Variants in KANK1 observed in about 807,000 individuals in gnomAD.
The protein encoded by KANK1 is KN motif and ankyrin repeat domains 1, also known as KN motif and ankyrin repeat domain-containing protein 1.
In KANK1, 109 loss-of-function variants were observed where a neutral mutation model predicts 106.2. The observed-to-expected ratio is 1.03, with a 90% CI of 0.88 to 1.20. The LOEUF is 1.20. KANK1 is among the 50% of genes most tolerant of loss of function. The pLI is 0.00. For missense variants in KANK1, 2,399 were observed against 1,710.7 expected, an observed-to-expected ratio of 1.40 and a Z score of -7.10; for synonymous variants, 873 against 652.2, an observed-to-expected ratio of 1.34 and a Z score of -5.16.
rs550471423 is a variant in KANK1 at position 712,807 on chromosome 9, C to T, written c.2041C>T (p.His681Tyr). The part of the protein sequence containing the change: ...QDTSTDLEQV[H>Y]QFTNTETATL... Reference sequence around the variant, plus strand: ...CACTAGCACAGATTTGGAACAGGTGCACCAGTTCACCAACACCGAGACGGC... The same window carrying T: ...CACTAGCACAGATTTGGAACAGGTGTACCAGTTCACCAACACCGAGACGGC... The change falls in exon 3 of 12, where the codon CAC (histidine) becomes TAC (tyrosine). Residue 681 changes from histidine to tyrosine, a missense_variant. Physicochemically the swap from His to Tyr is moderately conservative, Grantham distance 83 (BLOSUM62 2). Coordinates refer to ENST00000382297, the MANE Select transcript of KANK1 (RefSeq NM_015158.5). 1.2e-6 allele frequency: 2 copies of T among 1,613,788 alleles called. No homozygotes were observed. Among genetic ancestry groups the T allele is most frequent in the African/African-American group, 2.7e-5 (2 of 75,012 alleles).
intron 3 of KANK1, among the ~76,000 whole-genome samples, chr9:496,627 G>A (rs888319357): frequency 6.6e-6 from 1 of 152,136 alleles, no homozygotes; most frequent in Admixed American, 6.5e-5. Flanking sequence ...TCTTGTTTTA[G>A]TTATAACAAC....
chr9:618,935 A>C lies in KANK1; in HGVS notation c.-83-57955A>C, dbSNP rs1225452715. On this transcript the variant is annotated intron_variant, in intron 1 of 11. Transcript: ENST00000382297. ...ACTTGTCAAAGAAGAAAAATAGAAAATTAGAGAAAATAACCTCACTACTTA... is the reference window on the plus strand; with the variant it reads ...ACTTGTCAAAGAAGAAAAATAGAAACTTAGAGAAAATAACCTCACTACTTA... 2.0e-5 allele frequency among the ~76,000 whole-genome samples: 3 copies of C among 152,224 alleles called. No individual in the cohort carries two copies. The East Asian group carries it at 5.8e-4, about 29-fold the overall frequency.
intron 1 of KANK1, among the ~76,000 whole-genome samples, chr9:598,623 T>TTTTTTTTTTG (rs1826878607): frequency 2.2e-5 from 1 of 45,672 alleles, no homozygotes; most frequent in Admixed American, 1.8e-4. Flanking sequence ...TGGTTTTCTT[T>TTTTTTTTTTG]TTTTTTTTTT....
chr9:591,049 C>CA (rs1824753461), intron 1 of KANK1, among the ~76,000 whole-genome samples: 1 of 151,788 alleles, frequency 6.6e-6, no homozygotes, highest in Admixed American at 6.6e-5. Flanking sequence ...GACAGATGAA[C>CA]ATCTTTTCAT....
At chr9:516,351 G>T (rs935991184) in intron 1 of KANK1, among the ~76,000 whole-genome samples, 1 of 151,742 alleles carries the variant, frequency 6.6e-6, no homozygotes, top group Non-Finnish European at 1.5e-5. Context: ...TGAGAGACAT[G>T]ATTGAAGATT....
At chr9:504,782 G>GCCGCT (rs1554723238) in intron 1 of KANK1, 28 bp downstream of exon 1, 4 of 148,120 alleles carry the variant, frequency 2.7e-5, no homozygotes, top group African/African-American at 9.8e-5. Flanking sequence ...GCCGTGCCGC[G>GCCGCT]CCCCGTGCCG....
intron 1 of KANK1, among the ~76,000 whole-genome samples, chr9:554,964 A>T (rs2061493567): frequency 6.6e-6 from 1 of 152,168 alleles, no homozygotes; most frequent in Non-Finnish European, 1.5e-5. Flanking sequence ...TACTAATTCA[A>T]ATGCTGATCT....
chr9:662,860 C>T (rs879330140), intron 1 of KANK1, among the ~76,000 whole-genome samples: 3 of 152,076 alleles, frequency 2.0e-5, no homozygotes, highest in Non-Finnish European at 2.9e-5. Flanking sequence ...TGGGGTTTCA[C>T]CTTGTTGGCC....
intron 1 of KANK1, among the ~76,000 whole-genome samples, chr9:659,400 C>G (rs1842822954): frequency 6.6e-6 from 1 of 152,078 alleles, no homozygotes; most frequent in Non-Finnish European, 1.5e-5. Context: ...GGCCCCAAAC[C>G]CAGAGTTCCT....
At chr9:547,950 TTA>T (rs1251715270) in intron 1 of KANK1, among the ~76,000 whole-genome samples, 2 of 152,230 alleles carry the variant, frequency 1.3e-5, no homozygotes, top group African/African-American at 2.4e-5. Flanking sequence ...TGACTTTTTT[TTA>T]TGTTTTTTTT....
At chr9:570,127 C>A (rs768694518) in intron 1 of KANK1, among the ~76,000 whole-genome samples, 1 of 152,102 alleles carries the variant, frequency 6.6e-6, no homozygotes, top group African/African-American at 2.4e-5. Context: ...TTGTTTTAAT[C>A]TGTGCTTGGA....
At chr9:510,602 T>A in intron 1 of KANK1, among the ~76,000 whole-genome samples, 2 of 152,294 alleles carry the variant, frequency 1.3e-5, no homozygotes, top group Middle Eastern at 6.8e-3. Flanking sequence ...AGGAGAGAGA[T>A]CAGCGGTGCA....
intron 1 of KANK1, among the ~76,000 whole-genome samples, chr9:611,586 A>G (rs1048710866): frequency 3.3e-5 from 5 of 152,228 alleles, no homozygotes; most frequent in Non-Finnish European, 7.3e-5. Flanking sequence ...CCCATTAGAT[A>G]GGAGTGTGTC....
rs151083655 is a variant in KANK1 at position 721,700 on chromosome 9, T to A, written c.2698+8236T>A. ...GTCATTTACCTGGGTCCCTCAAGGC[T>A]TCAGGTTGGTTCTACAGGGACTCCT... On this transcript the variant is annotated intron_variant, in intron 3 of 11. Coordinates refer to ENST00000382297, the MANE Select transcript of KANK1 (RefSeq NM_015158.5). 1.4e-3 allele frequency among the ~76,000 whole-genome samples: 207 copies of A among 152,342 alleles called. 2 individuals carry two copies. Among genetic ancestry groups the A allele is most frequent in the African/African-American group, 4.9e-3 (202 of 41,582 alleles).
chr9:481,006 A>C (rs1456396989), intron 3 of KANK1, among the ~76,000 whole-genome samples: 1 of 152,234 alleles, frequency 6.6e-6, no homozygotes, highest in Non-Finnish European at 1.5e-5. Context: ...CACCTAACCT[A>C]CCAAACATCA....
At chr9:620,972 A>C (rs1481258122) in intron 1 of KANK1, among the ~76,000 whole-genome samples, 2 of 152,170 alleles carry the variant, frequency 1.3e-5, no homozygotes, top group Non-Finnish European at 2.9e-5. Context: ...AACCAGAGTT[A>C]AGCCTCTTGA....
At chr9:518,416 A>ACT (rs1554608894) in intron 1 of KANK1, among the ~76,000 whole-genome samples, 1 of 151,334 alleles carries the variant, frequency 6.6e-6, no homozygotes, top group Non-Finnish European at 1.5e-5. Flanking sequence ...GGCAGTTTTT[A>ACT]CTTTACCGTT....
In KANK1 at chr9:713,204, C is replaced by G. The variant is rs1315575544; in HGVS notation, c.2438C>G (p.Pro813Arg). Residue 813 changes from proline (P) to arginine (R), a missense_variant, in exon 3 of 12, where the codon CCT becomes CGT. Coordinates refer to ENST00000382297, the MANE Select transcript of KANK1 (RefSeq NM_015158.5). The part of the protein sequence containing the change: ...PVGESLENPQ[P>R]QAPLGMMTGL... The stretch of plus-strand genomic sequence containing the variant: ...GGGGAATCTCTGGAGAACCCCCAGC[C>G]TCAAGCTCCACTTGGAATGATGACT... 1 of 1,588,922 alleles carries G rather than the reference C, an allele frequency of 6.3e-7. No individual in the cohort carries two copies. The highest frequency in any genetic ancestry group is 8.6e-7 in the Non-Finnish European group (1 of 1,167,620).
chr9:546,530 T>G (rs568252539), intron 1 of KANK1, among the ~76,000 whole-genome samples: 129 of 152,252 alleles, frequency 8.5e-4, no homozygotes, highest in African/African-American at 3.0e-3. Context: ...TTACATACTT[T>G]GCTGCAGTCT....
Sources: gnomAD v4.1 joint callset for allele counts (sites outside exome capture counted in the v4.1 genomes callset) on GRCh38, gnomAD v4.1.1 for gene constraint, MANE v1.5 for transcripts, NCBI Gene and HGNC (gene_info 2026-07-23, HGNC 2026-07-21) for gene names.